RBFOX1: variants seen among roughly 807,000 people sequenced by gnomAD.
RBFOX1 encodes RNA binding protein fox-1 homolog 1.
Under a neutral mutation model 57.7 loss-of-function variants are expected in RBFOX1, and 8 were observed. That is an observed-to-expected ratio of 0.14 (90% CI 0.08 to 0.25). The LOEUF (loss-of-function observed/expected upper bound fraction) is 0.25, where lower values mean the gene tolerates loss of function less well. RBFOX1 is among the 10% of genes least tolerant of loss of function. The pLI is 1.00. For synonymous variants in RBFOX1, 326 were observed against 222.4 expected (o/e 1.47, Z -4.15); for missense variants, 611 against 548.5 (o/e 1.11, Z -1.14).
intron 1 of RBFOX1, among the ~76,000 whole-genome samples, chr16:5,399,902 G>C (rs2066665582): frequency 6.6e-6 from 1 of 151,872 alleles, no homozygotes; most frequent in African/African-American, 2.4e-5. Flanking sequence ...TCTTACTGTT[G>C]ATTTTATTTT....
chr16:7,318,267 A>T (rs912551844), intron 4 of RBFOX1, among the ~76,000 whole-genome samples: 1 of 149,922 alleles, frequency 6.7e-6, no homozygotes, highest in Non-Finnish European at 1.5e-5. Context: ...GTGATGGTGG[A>T]TGGTAGTGTT....
At chr16:7,637,873 T>C (rs2062034898) in intron 11 of RBFOX1, among the ~76,000 whole-genome samples, 1 of 152,216 alleles carries the variant, frequency 6.6e-6, no homozygotes, top group African/African-American at 2.4e-5. Context: ...TTTAATGCAA[T>C]ATTTTTAAAA....
At chr16:6,777,820 C>T (rs917382223) in intron 3 of RBFOX1, among the ~76,000 whole-genome samples, 13 of 152,058 alleles carry the variant, frequency 8.5e-5, no homozygotes, top group African/African-American at 3.1e-4. Flanking sequence ...ATCAAGCTTT[C>T]CAGTTTCATT....
At chr16:5,848,678 G>A (rs958352860) in intron 3 of RBFOX1, among the ~76,000 whole-genome samples, 7 of 152,162 alleles carry the variant, frequency 4.6e-5, no homozygotes, top group African/African-American at 1.7e-4. Flanking sequence ...AATAAGCAGG[G>A]TGTCATGCCT....
chr16:5,908,159 T>C (rs865943562), intron 4 of RBFOX1, among the ~76,000 whole-genome samples: 30 of 129,220 alleles, frequency 2.3e-4, no homozygotes, highest in East Asian at 4.4e-4. Context: ...TATATACACA[T>C]ATATATACAC....
At chr16:6,417,505 T>A (rs2093657184) in intron 2 of RBFOX1, among the ~76,000 whole-genome samples, 1 of 146,504 alleles carries the variant, frequency 6.8e-6, no homozygotes, top group Non-Finnish European at 1.5e-5. Context: ...TTCTCCTGCC[T>A]CAGCCTCCCG....
At chr16:6,639,131 G>T (rs376512700) in intron 2 of RBFOX1, among the ~76,000 whole-genome samples, 9 of 152,184 alleles carry the variant, frequency 5.9e-5, no homozygotes, top group African/African-American at 2.2e-4. Context: ...ATACTCAATA[G>T]GATGCATAAG....
intron 4 of RBFOX1, among the ~76,000 whole-genome samples, chr16:7,374,648 A>C (rs533571638): frequency 2.0e-5 from 3 of 152,326 alleles, no homozygotes; most frequent in Admixed American, 6.5e-5. Context: ...CAAAAAAATT[A>C]AAAATAAAAA....
At chr16:7,362,409 G>A (rs2097345045) in intron 4 of RBFOX1, among the ~76,000 whole-genome samples, 1 of 151,402 alleles carries the variant, frequency 6.6e-6, no homozygotes, top group South Asian at 2.1e-4. Flanking sequence ...GTGTGTATAT[G>A]TTTTGTGTGT....
At chr16:6,607,719 T>C (rs1258165867) in intron 2 of RBFOX1, among the ~76,000 whole-genome samples, 2 of 152,146 alleles carry the variant, frequency 1.3e-5, no homozygotes, top group African/African-American at 2.4e-5. Context: ...GAAATAATTA[T>C]TTTAGAATTT....
chr16:6,158,801 G>C (rs1250877092), intron 1 of RBFOX1, among the ~76,000 whole-genome samples: 2 of 152,068 alleles, frequency 1.3e-5, no homozygotes, highest in Non-Finnish European at 2.9e-5. Flanking sequence ...CTGGGGAGAG[G>C]GCACGTCTGG....
chr16:5,274,294 C>T (rs566289080), intron 1 of RBFOX1, among the ~76,000 whole-genome samples: 1 of 152,196 alleles, frequency 6.6e-6, no homozygotes, highest in South Asian at 2.1e-4. Context: ...TTTGGGAGGC[C>T]GAGGTGGGCA....
chr16:6,582,823 C>G (rs1035697727), intron 2 of RBFOX1, among the ~76,000 whole-genome samples: 1 of 136,230 alleles, frequency 7.3e-6, no homozygotes, highest in African/African-American at 2.6e-5. Context: ...CTCCTCACCC[C>G]TTTTTGAAAT....
chr16:5,981,756 G>A (rs9933067), intron 4 of RBFOX1, among the ~76,000 whole-genome samples: 95,527 of 152,076 alleles, frequency 0.63, 31,571 homozygotes, highest in African/African-American at 0.83. Flanking sequence ...GGTGTGAGCC[G>A]CTGTGCCCGG....
intron 3 of RBFOX1, among the ~76,000 whole-genome samples, chr16:5,673,485 C>T (rs2050076710): frequency 6.6e-6 from 1 of 152,206 alleles, no homozygotes; most frequent in Non-Finnish European, 1.5e-5. Flanking sequence ...TCTCACAGTC[C>T]ATTTCCATGT....
chr16:6,223,314 A>C (rs1440475120), intron 1 of RBFOX1, among the ~76,000 whole-genome samples: 28 of 150,562 alleles, frequency 1.9e-4, no homozygotes, highest in South Asian at 4.3e-4. Flanking sequence ...TACAGTCCCA[A>C]CAACAGTGTA....
chr16:5,647,738 C>A (rs2049099333), intron 3 of RBFOX1, among the ~76,000 whole-genome samples: 1 of 152,202 alleles, frequency 6.6e-6, no homozygotes, highest in Non-Finnish European at 1.5e-5. Flanking sequence ...CTGCATTCTT[C>A]CCCTAATCAG....
chr16:7,148,700 A>C (rs990026569), intron 4 of RBFOX1, among the ~76,000 whole-genome samples: 1 of 152,206 alleles, frequency 6.6e-6, no homozygotes, highest in Non-Finnish European at 1.5e-5. Context: ...CAGTTTTAAC[A>C]TGGTTGAATG....
chr16:6,934,123 A>G (rs1464864010), intron 3 of RBFOX1, among the ~76,000 whole-genome samples: 2 of 152,082 alleles, frequency 1.3e-5, no homozygotes, highest in East Asian at 1.9e-4. Flanking sequence ...TGCCACCCAT[A>G]GTGAGACAGG....
Sources: gnomAD v4.1 joint callset for allele counts (sites outside exome capture counted in the v4.1 genomes callset) on GRCh38, gnomAD v4.1.1 for gene constraint, MANE v1.5 for transcripts, NCBI Gene and HGNC (gene_info 2026-07-23, HGNC 2026-07-21) for gene names.